NRG1: variants seen among roughly 807,000 people sequenced by gnomAD.
NRG1 encodes the protein pro-neuregulin-1, membrane-bound isoform.
A neutral mutation model predicts 63.8 loss-of-function variants in NRG1; 18 were observed. The ratio of observed to expected loss-of-function variants is 0.28; its 90% CI spans 0.19 to 0.42. NRG1 has a LOEUF of 0.42. NRG1 is among the 10% of genes least tolerant of loss of function. The pLI, the probability that NRG1 is intolerant of heterozygous loss-of-function variation, is 1.00. For missense variants in NRG1, 762 were observed against 814.7 expected (o/e 0.94, Z 0.79); for synonymous variants, 302 against 301.3 (o/e 1.00, Z -0.02).
At chr8:32,407,792 G>A (rs1223938877) in intron 1 of NRG1, among the ~76,000 whole-genome samples, 1 of 152,144 alleles carries the variant, frequency 6.6e-6, no homozygotes, top group African/African-American at 2.4e-5. Flanking sequence ...GATCATAAGG[G>A]AATTAGAAGC....
At chr8:31,920,875 G>C (rs958089016) in intron 1 of NRG1, among the ~76,000 whole-genome samples, 15 of 136,528 alleles carry the variant, frequency 1.1e-4, no homozygotes, top group Admixed American at 9.7e-4. Flanking sequence ...TAGATAGATA[G>C]ATAGATAGGT....
intron 1 of NRG1, among the ~76,000 whole-genome samples, chr8:32,185,589 T>C (rs534355149): frequency 6.6e-6 from 1 of 152,332 alleles, no homozygotes; most frequent in African/African-American, 2.4e-5. Flanking sequence ...GGAAAAACAG[T>C]AGTCCGGGCA....
chr8:32,624,803 T>G (rs1052930355), intron 5 of NRG1, among the ~76,000 whole-genome samples: 1 of 152,194 alleles, frequency 6.6e-6, no homozygotes, highest in Non-Finnish European at 1.5e-5. Flanking sequence ...CTGTAAAATA[T>G]TCTACCTTTG....
chr8:32,588,344 C>T (rs929292970), intron 1 of NRG1, among the ~76,000 whole-genome samples: 4 of 152,102 alleles, frequency 2.6e-5, no homozygotes, highest in Non-Finnish European at 5.9e-5. Context: ...GGCTCATACC[C>T]TCAAATCAAA....
chr8:32,028,738 A>G (rs1289154071), intron 1 of NRG1, among the ~76,000 whole-genome samples: 1 of 152,176 alleles, frequency 6.6e-6, no homozygotes, highest in Non-Finnish European at 1.5e-5. Context: ...ACATTCAAAA[A>G]CTGCAAGAAG....
chr8:32,032,472 G>A (rs1245726658), intron 1 of NRG1, among the ~76,000 whole-genome samples: 1 of 152,064 alleles, frequency 6.6e-6, no homozygotes, highest in East Asian at 1.9e-4. Flanking sequence ...CACCATATTA[G>A]CTAGGCTGAT....
intron 1 of NRG1, among the ~76,000 whole-genome samples, chr8:32,555,324 C>CT (rs941107906): frequency 6.6e-6 from 1 of 152,178 alleles, no homozygotes; most frequent in Admixed American, 6.5e-5. Context: ...GACAACAGAT[C>CT]TTTACTAACA....
intron 1 of NRG1, among the ~76,000 whole-genome samples, chr8:31,931,159 G>T (rs926001776): frequency 3.3e-5 from 5 of 152,062 alleles, no homozygotes; most frequent in Non-Finnish European, 7.4e-5. Context: ...GGCTACTATT[G>T]CTTTCTCTCT....
At chr8:31,986,950 G>A (rs1468698647) in intron 1 of NRG1, among the ~76,000 whole-genome samples, 2 of 152,110 alleles carry the variant, frequency 1.3e-5, no homozygotes, top group Non-Finnish European at 2.9e-5. Context: ...GTGCTATAAT[G>A]TGACTGTTTC....
intron 1 of NRG1, among the ~76,000 whole-genome samples, chr8:32,273,956 A>C (rs552326774): frequency 6.6e-6 from 1 of 152,328 alleles, no homozygotes; most frequent in South Asian, 2.1e-4. Context: ...ATGAAAATTA[A>C]GTATTGCTCC....
intron 1 of NRG1, among the ~76,000 whole-genome samples, chr8:32,016,146 G>A (rs1815496404): frequency 6.6e-6 from 1 of 152,090 alleles, no homozygotes; most frequent in African/African-American, 2.4e-5. Flanking sequence ...TTGCTTTGAG[G>A]GGCAGGCTGT....
chr8:32,283,196 T>C (rs913847194), intron 1 of NRG1, among the ~76,000 whole-genome samples: 6 of 152,218 alleles, frequency 3.9e-5, no homozygotes, highest in African/African-American at 1.4e-4. Context: ...CATTTTGTTG[T>C]TTGAATTTTC....
rs559734704 is a variant in NRG1, at chr8:31,996,988, A to T, written c.37+357557A>T. On this transcript the variant is annotated intron_variant, in intron 1 of 10. Transcript: ENST00000519301. ...TCTATACAATAGGTACAGTAATTAT[A>T]TCTAATTGCATTTGAAACACAATAG... is the stretch of plus-strand genomic sequence containing the variant. Among the ~76,000 whole-genome samples, 3 of 152,062 alleles carry T rather than the reference A, an allele frequency of 2.0e-5. No homozygotes were observed. The East Asian group carries it at 5.8e-4, about 30-fold the overall frequency.
chr8:32,298,708 C>G (rs542999019), intron 1 of NRG1, among the ~76,000 whole-genome samples: 1 of 113,446 alleles, frequency 8.8e-6, no homozygotes, highest in African/African-American at 3.5e-5. Flanking sequence ...GAGCGAAACT[C>G]AGTCTCAAAA....
At chr8:32,412,418 C>A (rs1815107503) in intron 1 of NRG1, among the ~76,000 whole-genome samples, 1 of 62,190 alleles carries the variant, frequency 1.6e-5, no homozygotes. Flanking sequence ...CTCTCTCTCT[C>A]TCTACATATA....
chr8:32,044,930 A>ACAC (rs1554610209), intron 1 of NRG1, among the ~76,000 whole-genome samples: 1 of 137,034 alleles, frequency 7.3e-6, no homozygotes, highest in African/African-American at 2.8e-5. Context: ...AAAAAAAAAA[A>ACAC]ACACACACAC....
intron 1 of NRG1, among the ~76,000 whole-genome samples, chr8:32,054,980 C>T (rs190207848): frequency 0.012 from 1,687 of 144,226 alleles, 15 homozygotes; most frequent in Admixed American, 0.016. Flanking sequence ...CTCTGCCTCC[C>T]GGGTTCAAGC....
intron 1 of NRG1, among the ~76,000 whole-genome samples, chr8:32,384,845 A>G (rs1248907867): frequency 6.6e-6 from 1 of 152,238 alleles, no homozygotes; most frequent in African/African-American, 2.4e-5. Flanking sequence ...AAGATCCTTG[A>G]TTTTAGCAGC....
intron 1 of NRG1, among the ~76,000 whole-genome samples, chr8:31,760,704 C>T (rs1331145195): frequency 6.6e-6 from 1 of 152,144 alleles, no homozygotes; most frequent in East Asian, 1.9e-4. Context: ...TGAAAAAATG[C>T]TCATCATCAC....
Sources: allele counts gnomAD v4.1 joint callset (sites outside exome capture counted in the v4.1 genomes callset), GRCh38; gene constraint gnomAD v4.1.1; transcripts MANE v1.5; gene names NCBI Gene and HGNC (gene_info 2026-07-23, HGNC 2026-07-21).